Variants in TRPC6 observed in about 807,000 individuals in gnomAD.
TRPC6 encodes the protein short transient receptor potential channel 6.
A neutral mutation model predicts 90.7 loss-of-function variants in TRPC6; 55 were observed. That is an observed-to-expected ratio of 0.61 (90% CI 0.49 to 0.76). TRPC6 has a LOEUF of 0.76. TRPC6 is among the 30% of genes least tolerant of loss of function. The probability of loss-of-function intolerance (pLI) is 0.00; values close to 1 mark genes in which losing one functional copy is unlikely to be tolerated. For synonymous variants in TRPC6, 393 were observed against 393.0 expected (o/e 1.00, Z 0.00); for missense variants, 989 against 1,122.7 (o/e 0.88, Z 1.70).
intron 1 of TRPC6, among the ~76,000 whole-genome samples, chr11:101,574,457 T>C (rs915698092): frequency 6.6e-6 from 1 of 151,334 alleles, no homozygotes; most frequent in African/African-American, 2.5e-5. Flanking sequence ...TTACAATTGA[T>C]AGAAGCTTAG....
chr11:101,475,008 T>C lies in TRPC6; in HGVS notation c.1745-1235A>G, dbSNP rs145835694. On this transcript the variant is annotated intron_variant, in intron 6 of 12. Transcript: ENST00000344327. ...GCCATCCTCTTTTTGTGAGGAGGAC[T>C]GCCCTGGCCCATTGCTATCTAGAAA... is the stretch of plus-strand genomic sequence containing the variant. Among the ~76,000 whole-genome samples, 27 of 152,330 alleles carry C rather than the reference T, an allele frequency of 1.8e-4. No individual in the cohort carries two copies. In the East Asian group the frequency reaches 5.2e-3, roughly 29 times the overall value.
At chr11:101,511,959 C>T (rs1860403897) in intron 1 of TRPC6, among the ~76,000 whole-genome samples, 1 of 152,092 alleles carries the variant, frequency 6.6e-6, no homozygotes, top group Admixed American at 6.5e-5. Flanking sequence ...CGCCACTGCA[C>T]TCCAGCCTGG....
chr11:101,500,206 TTTTC>T (rs1452963143), intron 2 of TRPC6, among the ~76,000 whole-genome samples: 7 of 116,994 alleles, frequency 6.0e-5, no homozygotes, highest in East Asian at 2.0e-4. Context: ...TGTGTATTTT[TTTTC>T]TTTCTTTTTT....
At chr11:101,457,177 G>T (rs1435378902) in intron 10 of TRPC6, among the ~76,000 whole-genome samples, 2 of 152,130 alleles carry the variant, frequency 1.3e-5, no homozygotes, top group South Asian at 4.1e-4. Flanking sequence ...ATAGAGGTTG[G>T]AAGTGGGAAG....
rs931027910 is a variant in TRPC6 at position 101,504,490 on chromosome 11, C to G, written c.479G>C (p.Arg160Pro). ...AGCTAGAAGCAAAGCATCCCCAACT[C>G]GAGAGAGGTTTTCTTTCTTGAGAAG... ...ELLLKKENLS[R>P]VGDALLLAIS... The change falls in exon 2 of 13, where the codon CGA becomes CCA. Residue 160 changes from arginine to proline, a missense_variant. Coordinates refer to ENST00000344327, the MANE Select transcript of TRPC6 (RefSeq NM_004621.6). 6.2e-7 allele frequency: 1 copy of G among 1,613,974 alleles called. No individual in the cohort carries two copies. Among genetic ancestry groups the G allele is most frequent in the African/African-American group, 1.3e-5 (1 of 74,916 alleles).
intron 3 of TRPC6, among the ~76,000 whole-genome samples, chr11:101,490,003 G>A (rs187001586): frequency 3.3e-5 from 5 of 152,068 alleles, no homozygotes; most frequent in Non-Finnish European, 7.4e-5. Flanking sequence ...ATGGAAACTG[G>A]TACACCATTT....
rs549486183 is a variant in TRPC6, at chr11:101,536,124, C to T, written c.171-31326G>A. On this transcript the variant is annotated intron_variant, in intron 1 of 12. Transcript: ENST00000344327. ...ACTGCAGGCCAAGCTCAGTGCCTCA[C>T]GCCTGTAATCCCAACACTTTGGGAG... 1.9e-3 allele frequency among the ~76,000 whole-genome samples: 289 copies of T among 152,314 alleles called. 2 individuals carry two copies. Among genetic ancestry groups the T allele is most frequent in the African/African-American group, 5.5e-3 (227 of 41,568 alleles).
intron 1 of TRPC6, among the ~76,000 whole-genome samples, chr11:101,557,024 A>G (rs77355171): frequency 6.6e-6 from 1 of 152,118 alleles, no homozygotes; most frequent in Non-Finnish European, 1.5e-5. Context: ...CATGATAAAA[A>G]CTCTTACCAG....
intron 1 of TRPC6, among the ~76,000 whole-genome samples, chr11:101,530,339 C>T (rs1433443959): frequency 6.6e-6 from 1 of 152,086 alleles, no homozygotes; most frequent in East Asian, 1.9e-4. Context: ...GCAGATCCTA[C>T]GACAGCTCAG....
chr11:101,583,848 A>G lies in TRPC6; in HGVS notation c.-345T>C. On this transcript the variant is annotated 5_prime_UTR_variant, in exon 1 of 13. Transcript: ENST00000344327. ...TAAGAGCGGAGAGCAAGGGAGACGG[A>G]GCTGAAGAGTTACTATGTCAACAGA... 3.9e-6 allele frequency: 1 copy of G among 259,376 alleles called. No individual in the cohort carries two copies. 16.1% of individuals were successfully genotyped at this position (259,376 alleles called of 1,614,324 possible).
chr11:101,482,999 T>G lies in TRPC6; in HGVS notation c.1460A>C (p.Lys487Thr), dbSNP rs1479138336. Residue 487 changes from lysine (K) to threonine (T), a missense_variant, in exon 5 of 13, where the codon AAA becomes ACA. Physicochemically the swap from Lys to Thr is moderately conservative, Grantham distance 78. This residue lies in a region of TRPC6 where 486 missense variants were observed against 591.9 expected (regional missense o/e 0.82). Coordinates refer to ENST00000344327, the MANE Select transcript of TRPC6 (RefSeq NM_004621.6). ...CTCCATCCATGAGAAGCAGGATGTT[T>G]TCATCCTGAACAGCTGTTTTGCATT... Reference protein sequence around the residue: ...TDNAKQLFRMKTSCFSWMEML... With the variant: ...TDNAKQLFRMTTSCFSWMEML... The G allele has an allele frequency of 9.3e-6, 15 of 1,613,938 alleles. No homozygotes were observed. The highest frequency in any genetic ancestry group is 1.3e-5 in the Non-Finnish European group (15 of 1,179,948).
chr11:101,577,411 G>A (rs1281548707), intron 1 of TRPC6, among the ~76,000 whole-genome samples: 1 of 152,184 alleles, frequency 6.6e-6, no homozygotes, highest in African/African-American at 2.4e-5. Context: ...CCCCTTTGGG[G>A]TCAGAGAGTA....
At chr11:101,496,474 A>T (rs1371302943) in intron 2 of TRPC6, among the ~76,000 whole-genome samples, 1 of 152,180 alleles carries the variant, frequency 6.6e-6, no homozygotes, top group African/African-American at 2.4e-5. Flanking sequence ...ATAAAAGTTA[A>T]TCGGCACTAT....
chr11:101,533,184 C>T (rs1238275056), intron 1 of TRPC6, among the ~76,000 whole-genome samples: 2 of 152,174 alleles, frequency 1.3e-5, no homozygotes, highest in Non-Finnish European at 2.9e-5. Context: ...GCTATAAAGA[C>T]ATACCTGAGA....
At chr11:101,516,337 A>T in intron 1 of TRPC6, among the ~76,000 whole-genome samples, 1 of 152,100 alleles carries the variant, frequency 6.6e-6, no homozygotes, top group Non-Finnish European at 1.5e-5. Context: ...ACATGCTGAA[A>T]AGAACTACAA....
At chr11:101,549,659 TA>T (rs1861408949) in intron 1 of TRPC6, among the ~76,000 whole-genome samples, 2 of 148,410 alleles carry the variant, frequency 1.3e-5, no homozygotes, top group Non-Finnish European at 3.0e-5. Flanking sequence ...AAAAAAGGGA[TA>T]AAAAAGAAAA....
At chr11:101,474,471 C>A (rs1859367498) in intron 6 of TRPC6, among the ~76,000 whole-genome samples, 1 of 151,992 alleles carries the variant, frequency 6.6e-6, no homozygotes, top group South Asian at 2.1e-4. Flanking sequence ...AGGGGAAAAA[C>A]ATAATTACAA....
chr11:101,528,916 T>C (rs533361241), intron 1 of TRPC6, among the ~76,000 whole-genome samples: 36 of 152,222 alleles, frequency 2.4e-4, no homozygotes, highest in Admixed American at 2.2e-3. Context: ...TTAATGATTC[T>C]TCCCAAGCCA....
chr11:101,541,136 T>C (rs1861161324), intron 1 of TRPC6, among the ~76,000 whole-genome samples: 1 of 152,210 alleles, frequency 6.6e-6, no homozygotes, highest in South Asian at 2.1e-4. Context: ...GTTGGAACTT[T>C]TATGAGGCTA....
Sources: gnomAD v4.1 joint callset for allele counts (sites outside exome capture counted in the v4.1 genomes callset) on GRCh38, gnomAD v4.1.1 for gene constraint, gnomAD v4.1.1 regional missense constraint, MANE v1.5 for transcripts, NCBI Gene and HGNC (gene_info 2026-07-23, HGNC 2026-07-21) for gene names.